The following AKT3 variants were observed in gnomAD, a reference collection of about 807,000 sequenced individuals.
AKT3 encodes RAC-gamma serine/threonine-protein kinase.
In AKT3, 15 loss-of-function variants were observed where a neutral mutation model predicts 65.3. The ratio of observed to expected loss-of-function variants is 0.23; its 90% CI spans 0.15 to 0.35. The LOEUF is 0.35. AKT3 is among the 10% of genes least tolerant of loss of function. AKT3 has a pLI of 1.00. For missense variants in AKT3, 243 were observed against 576.5 expected (o/e 0.42, Z 5.92); for synonymous variants, 206 against 183.8 (o/e 1.12, Z -0.98).
intron 12 of AKT3, among the ~76,000 whole-genome samples, chr1:243,534,357 G>C (rs1461364574): frequency 6.6e-6 from 1 of 152,176 alleles, no homozygotes; most frequent in Non-Finnish European, 1.5e-5. Context: ...TATGTGTCTA[G>C]CAACAGAATC....
chr1:243,660,056 T>C (rs1682173892), intron 4 of AKT3, among the ~76,000 whole-genome samples: 1 of 151,998 alleles, frequency 6.6e-6, no homozygotes, highest in Non-Finnish European at 1.5e-5. Flanking sequence ...GAAGGAATGG[T>C]ACCAGTTCCT....
At chr1:243,508,677 TTTTTA>T (rs1273408747) in intron 13 of AKT3, among the ~76,000 whole-genome samples, 2 of 94,604 alleles carry the variant, frequency 2.1e-5, no homozygotes, top group Non-Finnish European at 5.3e-5. Context: ...TTTTTTTTTT[TTTTTA>T]AAAGACAGAG....
intron 2 of AKT3, among the ~76,000 whole-genome samples, chr1:243,700,127 A>G (rs933943697): frequency 3.3e-5 from 5 of 152,294 alleles, no homozygotes; most frequent in Non-Finnish European, 7.3e-5. Context: ...GCTCCTAAAC[A>G]CTATGACCAA....
At chr1:243,560,410 T>C (rs1428763845) in intron 10 of AKT3, among the ~76,000 whole-genome samples, 1 of 152,180 alleles carries the variant, frequency 6.6e-6, no homozygotes, top group African/African-American at 2.4e-5. Context: ...AATTAAATTC[T>C]TATTTTTTTA....
chr1:243,573,533 CTA>C (rs1309928719), intron 8 of AKT3, among the ~76,000 whole-genome samples: 2 of 152,028 alleles, frequency 1.3e-5, no homozygotes, highest in South Asian at 2.1e-4. Context: ...CATGATATCT[CTA>C]AAAATATTTT....
intron 2 of AKT3, among the ~76,000 whole-genome samples, chr1:243,795,707 G>A (rs924506415): frequency 6.6e-6 from 1 of 151,606 alleles, no homozygotes; most frequent in African/African-American, 2.4e-5. Flanking sequence ...TCCTGACCTC[G>A]TGATCCACCC....
intron 8 of AKT3, among the ~76,000 whole-genome samples, chr1:243,610,417 C>A (rs1204632747): frequency 6.6e-6 from 1 of 152,148 alleles, no homozygotes; most frequent in Non-Finnish European, 1.5e-5. Flanking sequence ...GAAAGACAGA[C>A]AAGTAAATAG....
chr1:243,842,528 G>C (rs1572443057), intron 2 of AKT3, among the ~76,000 whole-genome samples: 1 of 152,088 alleles, frequency 6.6e-6, no homozygotes, highest in African/African-American at 2.4e-5. Flanking sequence ...TCTAAAGTAG[G>C]AGTGAACAAG....
At chr1:243,690,375 C>G (rs1359237420) in intron 3 of AKT3, among the ~76,000 whole-genome samples, 1 of 152,180 alleles carries the variant, frequency 6.6e-6, no homozygotes, top group Non-Finnish European at 1.5e-5. Context: ...AAATAAAATG[C>G]AGCCCTGAGA....
intron 2 of AKT3, among the ~76,000 whole-genome samples, chr1:243,804,360 T>C (rs1428628086): frequency 1.3e-5 from 2 of 152,244 alleles, no homozygotes; most frequent in African/African-American, 4.8e-5. Flanking sequence ...ACATTTAGTG[T>C]TCCTAAATAA....
intron 2 of AKT3, among the ~76,000 whole-genome samples, chr1:243,723,815 G>A (rs1343513133): frequency 6.6e-6 from 1 of 152,144 alleles, no homozygotes; most frequent in Non-Finnish European, 1.5e-5. Context: ...CAGCTACTTG[G>A]GAGTCTGAGG....
chr1:243,720,040 C>T (rs992134158), intron 2 of AKT3, among the ~76,000 whole-genome samples: 2 of 152,082 alleles, frequency 1.3e-5, no homozygotes, highest in African/African-American at 2.4e-5. Flanking sequence ...TGGCCGGGCG[C>T]GGTGCCTCAC....
Position 243,761,037 on chromosome 1 carries a change from A to C in AKT3, c.47-65321T>G, listed in dbSNP as rs1407624098. Among the ~76,000 whole-genome samples, 4 of 152,198 alleles carry C rather than the reference A, an allele frequency of 2.6e-5. No homozygotes were observed. In the South Asian group the frequency reaches 8.3e-4, roughly 31 times the overall value. ...TGTATTTCACCTAGAGCAATGGGTC[A>C]GTATCTGTGGCCCCTTTATGTAACA... On this transcript the variant is annotated intron_variant, in intron 2 of 13. Coordinates refer to ENST00000673466, the MANE Select transcript of AKT3 (RefSeq NM_005465.7).
In AKT3 at chr1:243,724,246, A is replaced by G. The variant is rs796678548; in HGVS notation, c.47-28530T>C. Among the ~76,000 whole-genome samples, 619 of 131,178 alleles carry G rather than the reference A, an allele frequency of 4.7e-3. 6 individuals carry two copies. The highest frequency in any genetic ancestry group is 0.016 in the African/African-American group (538 of 34,644). The allele number at this position is 131,178 out of a possible 152,430, so 86.1% of individuals were successfully genotyped here. ...GCCAAAATCTAGAAAAATTGAGGGGAAAAAAAAAAAAAAGAATCCAGAAAA... is the reference window on the plus strand; with the variant it reads ...GCCAAAATCTAGAAAAATTGAGGGGGAAAAAAAAAAAAAGAATCCAGAAAA... On this transcript the variant is annotated intron_variant, in intron 2 of 13. Transcript: ENST00000673466.
At chr1:243,528,736 G>A (rs1201301937) in intron 12 of AKT3, among the ~76,000 whole-genome samples, 1 of 152,172 alleles carries the variant, frequency 6.6e-6, no homozygotes, top group African/African-American at 2.4e-5. Flanking sequence ...TGGGCATTTA[G>A]GTTGATCCCA....
chr1:243,821,376 A>G (rs1693844192), intron 2 of AKT3, among the ~76,000 whole-genome samples: 3 of 152,150 alleles, frequency 2.0e-5, no homozygotes, highest in African/African-American at 7.2e-5. Context: ...CTACATCAAC[A>G]CGTCTGCAAA....
At chr1:243,529,447 C>A (rs1360601716) in intron 12 of AKT3, among the ~76,000 whole-genome samples, 7 of 152,136 alleles carry the variant, frequency 4.6e-5, no homozygotes, top group Non-Finnish European at 8.8e-5. Context: ...AGTCTTTAAT[C>A]TATCTCGAGT....
chr1:243,515,334 T>C (rs556110264), intron 12 of AKT3, among the ~76,000 whole-genome samples: 1 of 152,038 alleles, frequency 6.6e-6, no homozygotes, highest in South Asian at 2.1e-4. Flanking sequence ...GGCCGTATGG[T>C]AGGTATACAT....
intron 2 of AKT3, among the ~76,000 whole-genome samples, chr1:243,829,921 T>C (rs911260091): frequency 2.6e-5 from 4 of 152,188 alleles, no homozygotes; most frequent in East Asian, 1.9e-4. Flanking sequence ...AGGCTAACAG[T>C]CTCACTGTGC....
Sources: allele counts gnomAD v4.1 joint callset (sites outside exome capture counted in the v4.1 genomes callset), GRCh38; gene constraint gnomAD v4.1.1; transcripts MANE v1.5; gene names NCBI Gene and HGNC (gene_info 2026-07-23, HGNC 2026-07-21).